Variants in MAEA observed in about 807,000 individuals in gnomAD.
The protein encoded by MAEA is macrophage erythroblast attacher, E3 ubiquitin ligase.
Under a neutral mutation model 46.2 loss-of-function variants are expected in MAEA, and 22 were observed. The observed-to-expected ratio is 0.48, with a 90% CI of 0.34 to 0.68. The LOEUF (loss-of-function observed/expected upper bound fraction) is 0.68. Among genes scored for constraint, MAEA ranks in the 30% least tolerant of loss-of-function variants. MAEA has a pLI of 0.01. For missense variants in MAEA, 393 were observed against 558.1 expected, an observed-to-expected ratio of 0.70 and a Z score of 2.98; for synonymous variants, 246 against 222.6, an observed-to-expected ratio of 1.11 and a Z score of -0.94.
chr4:1,323,164 C>T (rs1176813999), intron 4 of MAEA, among the ~76,000 whole-genome samples: 1 of 151,918 alleles, frequency 6.6e-6, no homozygotes, highest in Non-Finnish European at 1.5e-5. Context: ...CCAGGATGGT[C>T]TTGATCTCCT....
chr4:1,297,691 G>A (rs867901628), intron 1 of MAEA, among the ~76,000 whole-genome samples: 8 of 152,268 alleles, frequency 5.3e-5, no homozygotes, highest in African/African-American at 1.4e-4. Flanking sequence ...GTCCTTTGTC[G>A]TCGTTCACGT....
intron 4 of MAEA, among the ~76,000 whole-genome samples, chr4:1,326,479 G>A (rs567973779): frequency 4.6e-5 from 7 of 152,302 alleles, no homozygotes; most frequent in African/African-American, 1.4e-4. Context: ...CAATGTTGCC[G>A]CTGCCCCCAC....
At chr4:1,338,985 C>A in intron 8 of MAEA, 89 bp from the exon 9 acceptor site, 1 of 1,099,224 alleles carries the variant, frequency 9.1e-7, no homozygotes. Context: ...TGAGTCATTC[C>A]CTGGTGGTTC....
At chr4:1,292,532 C>T (rs36051935) in intron 1 of MAEA, among the ~76,000 whole-genome samples, 23,413 of 152,018 alleles carry the variant, frequency 0.15, 3,470 homozygotes, top group East Asian at 0.42. Flanking sequence ...GACCGGCCTG[C>T]GAACGTTTGG....
intron 1 of MAEA, among the ~76,000 whole-genome samples, chr4:1,300,965 C>A (rs1442520070): frequency 6.6e-6 from 1 of 152,198 alleles, no homozygotes; most frequent in Non-Finnish European, 1.5e-5. Context: ...ACATGCCCCG[C>A]ACCAGAACAT....
At position 1,338,405 on chromosome 4, in the gene MAEA, C is replaced by T. The variant is rs1339890944; in HGVS notation, c.900-17C>T. 6.2e-7 allele frequency: 1 copy of T among 1,602,630 alleles called. No individual in the cohort carries two copies. The highest frequency in any genetic ancestry group is 8.5e-7 in the Non-Finnish European group (1 of 1,172,216). Reference sequence around the variant, plus strand: ...TGCCCTGAGTGGCCCCCAACCCTTCCTTGACCCGATGCTCAGACAGTGCTA... The same window carrying T: ...TGCCCTGAGTGGCCCCCAACCCTTCTTTGACCCGATGCTCAGACAGTGCTA... On this transcript the variant is annotated splice_polypyrimidine_tract_variant and intron_variant, in intron 7 of 8. Coordinates refer to ENST00000303400, the MANE Select transcript of MAEA (RefSeq NM_001017405.3).
At chr4:1,327,935 G>A (rs1739057827) in intron 5 of MAEA, among the ~76,000 whole-genome samples, 1 of 152,186 alleles carries the variant, frequency 6.6e-6, no homozygotes, top group Admixed American at 6.5e-5. Flanking sequence ...GGCCCCAGGT[G>A]GGCATCCAGA....
rs368626440 is a variant in MAEA at position 1,327,723 on chromosome 4, G to A, written c.656+20G>A. On this transcript the variant is annotated intron_variant, in intron 5 of 8. Coordinates refer to ENST00000303400, the MANE Select transcript of MAEA (RefSeq NM_001017405.3). ...TGTGAGGTAGGCATTGCGGACGTGC[G>A]TCTCCTCGAGGGAGGGCAGGATGTT... is the stretch of plus-strand genomic sequence containing the variant. The A allele has an allele frequency of 7.6e-5, 122 of 1,609,112 alleles. No homozygotes were observed. Among genetic ancestry groups the A allele is most frequent in the African/African-American group, 3.1e-4 (23 of 74,884 alleles).
In MAEA at chr4:1,311,422, G is replaced by C. The variant is rs2108905818; in HGVS notation, c.70-557G>C. On this transcript the variant is annotated intron_variant, in intron 1 of 8. Coordinates refer to ENST00000303400, the MANE Select transcript of MAEA (RefSeq NM_001017405.3). This position sits in a 1 kb window ranked among gnomAD's most constrained non-coding sequence, Gnocchi z 4.4. The stretch of plus-strand genomic sequence containing the variant: ...GGCTTATTTCCACAGGGAATGGATG[G>C]TTCTTACGACTGGGGAAGGCAAACG... Among the ~76,000 whole-genome samples the C allele has an allele frequency of 6.6e-6, 1 of 152,374 alleles. No individual in the cohort carries two copies. The highest frequency in any genetic ancestry group is 2.1e-4 in the South Asian group (1 of 4,828).
intron 5 of MAEA, chr4:1,330,572 C>T (rs9990527): frequency 0.32 from 48,584 of 149,768 alleles, 10,908 homozygotes; most frequent in African/African-American, 0.62. Flanking sequence ...ACCTTGGCCT[C>T]CCAAAGTGCT....
At chr4:1,314,776 A>G (rs11247991) in intron 2 of MAEA, among the ~76,000 whole-genome samples, 14,315 of 152,316 alleles carry the variant, frequency 0.094, 1,372 homozygotes, top group East Asian at 0.42. Context: ...AGACAGCCGG[A>G]CAGCTGATTT....
chr4:1,318,665 C>T (rs1457852376), intron 3 of MAEA, among the ~76,000 whole-genome samples: 1 of 152,024 alleles, frequency 6.6e-6, no homozygotes, highest in Admixed American at 6.6e-5. Context: ...ACTAGGAAGC[C>T]CTGGGGAAGG....
At chr4:1,323,383 C>A in intron 4 of MAEA, 1 of 663,142 alleles carries the variant, frequency 1.5e-6, no homozygotes, top group Non-Finnish European at 2.7e-6. Context: ...ACTTCTGCCT[C>A]CATTAGCAAA....
intron 1 of MAEA, among the ~76,000 whole-genome samples, chr4:1,292,955 A>G (rs1230864144): frequency 7.0e-6 from 1 of 142,446 alleles, no homozygotes; most frequent in Non-Finnish European, 1.5e-5. Context: ...GCGCGGTGGC[A>G]CAATCTCAGC....
Position 1,311,172 on chromosome 4 carries a change from G to A in MAEA, c.70-807G>A, listed in dbSNP as rs1191661043. Among the ~76,000 whole-genome samples, 2 of 152,244 alleles carry A rather than the reference G, an allele frequency of 1.3e-5. No homozygotes were observed. The highest frequency in any genetic ancestry group is 2.1e-4 in the South Asian group (1 of 4,836). On this transcript the variant is annotated intron_variant, in intron 1 of 8. Coordinates refer to ENST00000303400, the MANE Select transcript of MAEA (RefSeq NM_001017405.3). The surrounding 1 kb of genome is among the most constrained non-coding windows in gnomAD (Gnocchi z 4.4). ...ACTGCTCTTGGGCGGCAGCACGGCC[G>A]TGTTGCTGATGCGCTGTGTGGTGAG...
At chr4:1,325,088 G>A (rs150895030) in intron 4 of MAEA, among the ~76,000 whole-genome samples, 14 of 152,334 alleles carry the variant, frequency 9.2e-5, no homozygotes, top group Middle Eastern at 3.4e-3. Flanking sequence ...ACGGCTGTCT[G>A]TGCAGTCTGC....
At chr4:1,314,211 C>T (rs538021392) in intron 2 of MAEA, among the ~76,000 whole-genome samples, 19 of 151,934 alleles carry the variant, frequency 1.3e-4, no homozygotes, top group African/African-American at 4.6e-4. Context: ...CCTGTGGTCC[C>T]AGCTACTCGG....
intron 1 of MAEA, among the ~76,000 whole-genome samples, chr4:1,296,868 G>A (rs1223044180): frequency 3.3e-5 from 5 of 151,866 alleles, no homozygotes; most frequent in African/African-American, 4.8e-5. Context: ...CCCACCCCTC[G>A]CTGCATGTCC....
rs1349337105 is a variant in MAEA at position 1,332,057 on chromosome 4, C to G, written c.657-700C>G. ...GGAAGGTTGTGCTGGGCGTCACTGC[C>G]AAACAGCAAGGACTGCAGTTGAGAA... On this transcript the variant is annotated intron_variant, in intron 5 of 8. Coordinates refer to ENST00000303400, the MANE Select transcript of MAEA (RefSeq NM_001017405.3). 3 of 152,658 alleles carry G rather than the reference C, an allele frequency of 2.0e-5. No homozygotes were observed. In the East Asian group the frequency reaches 5.8e-4, roughly 29 times the overall value. The allele number at this position is 152,658 out of a possible 1,614,324, so 9.5% of individuals were successfully genotyped here. A position where few individuals can be genotyped will look rare whatever the true frequency, so the allele number is the denominator to read the frequency against.
Sources: allele counts gnomAD v4.1 joint callset (sites outside exome capture counted in the v4.1 genomes callset), GRCh38; gene constraint gnomAD v4.1.1; non-coding constraint Gnocchi (gnomAD v3.1); transcripts MANE v1.5; gene names NCBI Gene and HGNC (gene_info 2026-07-23, HGNC 2026-07-21).